TBC1D31: variants seen among roughly 807,000 people sequenced by gnomAD.
TBC1D31 encodes TBC1 domain family member 31.
TBC1D31 carries 99 observed loss-of-function variants against 132.9 expected under a neutral mutation model. The observed-to-expected ratio is 0.74, with a 90% confidence interval of 0.63 to 0.88. The LOEUF (loss-of-function observed/expected upper bound fraction) is 0.88. Among genes scored for constraint, TBC1D31 ranks in the 40% least tolerant of loss-of-function variants. The pLI is 0.00. For missense variants in TBC1D31, 1,134 were observed against 1,256.6 expected, an observed-to-expected ratio of 0.90 and a Z score of 1.48; for synonymous variants, 385 against 419.4, an observed-to-expected ratio of 0.92 and a Z score of 1.00.
At position 123,073,722 on chromosome 8, in the gene TBC1D31, G is replaced by C. The variant is rs183674700; in HGVS notation, c.77+876G>C. 2.5e-3 allele frequency among the ~76,000 whole-genome samples: 374 copies of C among 152,188 alleles called. 2 individuals are homozygous for C. The highest frequency in any genetic ancestry group is 7.6e-3 in the African/African-American group (316 of 41,438). Reference sequence around the variant, plus strand: ...TTTCTTTGAGACGGAGTCTTGCTCTGTCGCCTGGGCTGGGGTGCAGTGGCG... The same window carrying C: ...TTTCTTTGAGACGGAGTCTTGCTCTCTCGCCTGGGCTGGGGTGCAGTGGCG... On this transcript the variant is annotated intron_variant, in intron 1 of 21. Coordinates refer to ENST00000287380, the MANE Select transcript of TBC1D31 (RefSeq NM_145647.4).
At chr8:123,160,540 C>T in the TBC1D31 span, among the ~76,000 whole-genome samples, 1 of 152,052 alleles carries the variant, frequency 6.6e-6, no homozygotes, top group Admixed American at 6.6e-5. Context: ...CTGGGCTGAT[C>T]CTGCCTTGGG....
rs561410022 is a variant in TBC1D31, at chr8:123,130,056, G to A, written c.2271-142G>A. ...ATAAGTATACATCATCTTTGGTAAC[G>A]GTGGAGCAGTTCTCGCATTCTTCTT... On this transcript the variant is annotated intron_variant, in intron 15 of 21. Coordinates refer to ENST00000287380, the MANE Select transcript of TBC1D31 (RefSeq NM_145647.4). The A allele has an allele frequency of 2.6e-4, 202 of 787,266 alleles. 3 individuals are homozygous for A. In the South Asian group the frequency reaches 5.3e-3, roughly 21 times the overall value. The allele number at this position is 787,266 out of a possible 1,614,324, so 48.8% of individuals were successfully genotyped here.
intron 10 of TBC1D31, among the ~76,000 whole-genome samples, chr8:123,119,712 C>T (rs190743868): frequency 2.6e-5 from 4 of 151,888 alleles, no homozygotes; most frequent in Admixed American, 2.0e-4. Context: ...GGCCCTGTTT[C>T]GGGAAAACAA....
chr8:123,163,364 CTT>C, the TBC1D31 span, among the ~76,000 whole-genome samples: 1 of 110,066 alleles, frequency 9.1e-6, no homozygotes, highest in African/African-American at 3.7e-5. Flanking sequence ...TCACTTTAAC[CTT>C]TTTTTTTTTT....
chr8:123,086,312 A>C (rs1464338993), intron 4 of TBC1D31, among the ~76,000 whole-genome samples: 1 of 152,220 alleles, frequency 6.6e-6, no homozygotes, highest in Non-Finnish European at 1.5e-5. Context: ...CATTGTATTA[A>C]GAACTTTCCA....
chr8:123,117,752 CAA>C (rs71310657), intron 10 of TBC1D31, among the ~76,000 whole-genome samples: 147 of 89,926 alleles, frequency 1.6e-3, no homozygotes, highest in African/African-American at 5.1e-3. Context: ...AACTCCGTCT[CAA>C]AAAAAAAAAA....
chr8:123,073,346 A>G (rs1296059765), intron 1 of TBC1D31: 6 of 456,340 alleles, frequency 1.3e-5, no homozygotes, highest in Non-Finnish European at 2.6e-5. Context: ...TTGAGCTCCT[A>G]CTGTGTGCCA....
At chr8:123,099,259 A>G (rs1054934400) in intron 6 of TBC1D31, among the ~76,000 whole-genome samples, 2 of 152,100 alleles carry the variant, frequency 1.3e-5, no homozygotes, top group African/African-American at 4.8e-5. Context: ...AGCTGGGACT[A>G]TAGGCGCCTG....
At chr8:123,147,669 C>T (rs1822353079) in intron 20 of TBC1D31, among the ~76,000 whole-genome samples, 1 of 152,040 alleles carries the variant, frequency 6.6e-6, no homozygotes. Flanking sequence ...TTTAACCTTG[C>T]TGAATTTCAC....
chr8:123,091,555 G>T (rs1007643700), intron 4 of TBC1D31, among the ~76,000 whole-genome samples: 2 of 152,184 alleles, frequency 1.3e-5, no homozygotes, highest in Non-Finnish European at 2.9e-5. Context: ...CAAGGAAGAA[G>T]GGAGGAGCTT....
chr8:123,130,708 G>A (rs368849746), intron 16 of TBC1D31, among the ~76,000 whole-genome samples: 24 of 148,536 alleles, frequency 1.6e-4, no homozygotes, highest in African/African-American at 4.5e-4. Flanking sequence ...TGCAACCTCC[G>A]CCTCCCGGGT....
chr8:123,102,628 A>C (rs1474328045), intron 7 of TBC1D31: 2 of 188,934 alleles, frequency 1.1e-5, no homozygotes, highest in African/African-American at 4.8e-5. Context: ...ATTTATTTGT[A>C]ACTTCAAAAT....
At chr8:123,155,184 T>C (rs1822955443), downstream of TBC1D31, among the ~76,000 whole-genome samples, 1 of 152,056 alleles carries the variant, frequency 6.6e-6, no homozygotes, top group Admixed American at 6.6e-5. This position sits in a 1 kb window ranked among gnomAD's most constrained non-coding sequence, Gnocchi z 4.1. Flanking sequence ...TAGGGGTGGA[T>C]TGATCACATC....
At chr8:123,118,623 G>A (rs962828019) in intron 10 of TBC1D31, among the ~76,000 whole-genome samples, 4 of 151,646 alleles carry the variant, frequency 2.6e-5, no homozygotes, top group African/African-American at 9.7e-5. Context: ...TTTCTTTAAT[G>A]TATGAAGCGC....
Position 123,120,148 on chromosome 8 carries a change from C to A in TBC1D31, c.1530C>A (p.Asn510Lys), listed in dbSNP as rs1254199209. The change falls in exon 11 of 22, where the codon AAC (asparagine) becomes AAA (lysine). Residue 510 changes from asparagine to lysine, a missense_variant. Transcript: ENST00000287380. ...LAFPFVKLFQ[N>K]NQLICFEVIA... Reference sequence around the variant, plus strand: ...TTCCATTTGTAAAATTATTCCAGAACAACCAACTCATCTGTTTTGAAGTTA... The same window carrying A: ...TTCCATTTGTAAAATTATTCCAGAAAAACCAACTCATCTGTTTTGAAGTTA... 1 of 1,609,944 alleles carries A rather than the reference C, an allele frequency of 6.2e-7. No homozygotes were observed. The highest frequency in any genetic ancestry group is 8.5e-7 in the Non-Finnish European group (1 of 1,177,742).
chr8:123,143,972 A>G (rs1821937952), intron 19 of TBC1D31, among the ~76,000 whole-genome samples: 1 of 152,178 alleles, frequency 6.6e-6, no homozygotes, highest in South Asian at 2.1e-4. Flanking sequence ...TGACTTGACT[A>G]CTGCGTGGCC....
At position 123,097,400 on chromosome 8, in the gene TBC1D31, C is replaced by G. The variant is rs1347424479; in HGVS notation, c.790C>G (p.Leu264Val). Reference sequence around the variant, plus strand: ...CACTAAAGTTCGAGCCATTCGCCATCTGGAATTTCTTCCTGATAGTTTTGA... The same window carrying G: ...CACTAAAGTTCGAGCCATTCGCCATGTGGAATTTCTTCCTGATAGTTTTGA... Reference protein sequence around the residue: ...MPTKVRAIRHLEFLPDSFDAG... With the variant: ...MPTKVRAIRHVEFLPDSFDAG... Residue 264 changes from leucine to valine, a missense_variant, in exon 6 of 22, where the codon CTG (leucine) becomes GTG (valine). Leu to Val is a conservative substitution (Grantham distance 32). Coordinates refer to ENST00000287380, the MANE Select transcript of TBC1D31 (RefSeq NM_145647.4). 6.2e-7 allele frequency: 1 copy of G among 1,614,180 alleles called. No homozygotes were observed. The highest frequency in any genetic ancestry group is 8.5e-7 in the Non-Finnish European group (1 of 1,180,034).
chr8:123,129,609 T>C (rs1240936597), intron 15 of TBC1D31, among the ~76,000 whole-genome samples: 1 of 152,120 alleles, frequency 6.6e-6, no homozygotes, highest in African/African-American at 2.4e-5. Context: ...AGTTGTAACA[T>C]AGAATGATTA....
intron 11 of TBC1D31, among the ~76,000 whole-genome samples, chr8:123,121,769 G>A (rs1186437191): frequency 6.6e-6 from 1 of 152,032 alleles, no homozygotes; most frequent in East Asian, 1.9e-4. Context: ...TATAGCAATA[G>A]AAAATCAAAC....
Sources: allele counts gnomAD v4.1 joint callset (sites outside exome capture counted in the v4.1 genomes callset), GRCh38; gene constraint gnomAD v4.1.1; non-coding constraint Gnocchi (gnomAD v3.1); transcripts MANE v1.5; gene names NCBI Gene and HGNC (gene_info 2026-07-23, HGNC 2026-07-21).